Variants in CATSPER3 observed in about 807,000 individuals in gnomAD.
The protein encoded by CATSPER3 is cation channel sperm-associated protein 3.
A neutral mutation model predicts 36.6 loss-of-function variants in CATSPER3; 23 were observed. That is an observed-to-expected ratio of 0.63 (90% CI 0.45 to 0.89). CATSPER3 has a LOEUF of 0.89. CATSPER3 is among the 40% of genes least tolerant of loss of function. CATSPER3 has a pLI of 0.00. For synonymous variants in CATSPER3, 172 were observed against 184.1 expected (o/e 0.93, Z 0.53); for missense variants, 474 against 503.9 (o/e 0.94, Z 0.57).
intron 2 of CATSPER3, among the ~76,000 whole-genome samples, chr5:134,990,618 G>A (rs527398567): frequency 1.2e-4 from 19 of 152,238 alleles, no homozygotes; most frequent in African/African-American, 4.1e-4. Context: ...TAATAATAAT[G>A]AAAAAGTTGG....
intron 3 of CATSPER3, among the ~76,000 whole-genome samples, chr5:135,006,013 G>A (rs995711579): frequency 1.3e-5 from 2 of 152,162 alleles, no homozygotes; most frequent in Non-Finnish European, 2.9e-5. Flanking sequence ...ACTGGGTACA[G>A]GGAATTGCCC....
At chr5:134,976,639 CTGTG>C (rs1414919994) in intron 2 of CATSPER3, among the ~76,000 whole-genome samples, 2 of 152,236 alleles carry the variant, frequency 1.3e-5, no homozygotes, top group Admixed American at 1.3e-4. Flanking sequence ...CTAGTGGAGA[CTGTG>C]TGGGGGCTCT....
intron 3 of CATSPER3, among the ~76,000 whole-genome samples, chr5:135,007,000 G>T (rs1390337861): frequency 6.6e-6 from 1 of 152,128 alleles, no homozygotes; most frequent in Admixed American, 6.5e-5. Context: ...GCAGCCCAGG[G>T]CTCTTGGACT....
rs1011124053 is a variant in CATSPER3 at position 135,010,542 on chromosome 5, C to A, written c.1094+12C>A. The A allele has an allele frequency of 6.2e-7, 1 of 1,612,948 alleles. No individual in the cohort carries two copies. Among genetic ancestry groups the A allele is most frequent in the Non-Finnish European group, 8.5e-7 (1 of 1,178,932 alleles). On this transcript the variant is annotated intron_variant, in intron 7 of 7. Coordinates refer to ENST00000282611, the MANE Select transcript of CATSPER3 (RefSeq NM_178019.3). ...ACAACTGTCCACAAGTCAGTTCCAG[C>A]CCCAGCCTTCCCTGGTCCCTAGGGC...
rs551207039 is a variant in CATSPER3, at chr5:135,000,689, T to C, written c.492+4177T>C. ...CAGGAATTTATCCATTTCTTCTAGATTTTCTAGTTTATTTGTGTAGAGGTG... is the reference window on the plus strand; with the variant it reads ...CAGGAATTTATCCATTTCTTCTAGACTTTCTAGTTTATTTGTGTAGAGGTG... On this transcript the variant is annotated intron_variant, in intron 3 of 7. Transcript: ENST00000282611. Among the ~76,000 whole-genome samples, 3 of 152,314 alleles carry C rather than the reference T, an allele frequency of 2.0e-5. No homozygotes were observed. In the East Asian group the frequency reaches 5.8e-4, roughly 29 times the overall value.
intron 2 of CATSPER3, among the ~76,000 whole-genome samples, chr5:134,992,696 A>T (rs1174399642): frequency 6.6e-6 from 1 of 152,200 alleles, no homozygotes; most frequent in Non-Finnish European, 1.5e-5. Flanking sequence ...ACTGCACTCC[A>T]GCCTGGGCAA....
At chr5:134,988,470 C>A (rs1751837066) in intron 2 of CATSPER3, among the ~76,000 whole-genome samples, 1 of 152,228 alleles carries the variant, frequency 6.6e-6, no homozygotes, top group Non-Finnish European at 1.5e-5. Context: ...CAAACCCTGC[C>A]ACTGCTTTTA....
intron 3 of CATSPER3, among the ~76,000 whole-genome samples, chr5:134,999,606 C>T (rs2149551478): frequency 6.6e-6 from 1 of 152,270 alleles, no homozygotes; most frequent in South Asian, 2.1e-4. Context: ...TTGTAGTTCT[C>T]CTTGAAGAAG....
intron 2 of CATSPER3, among the ~76,000 whole-genome samples, chr5:134,971,750 A>G (rs1177497966): frequency 6.6e-6 from 1 of 152,178 alleles, no homozygotes; most frequent in Non-Finnish European, 1.5e-5. Context: ...TAAAGACAGG[A>G]TCCCACAGTT....
intron 2 of CATSPER3, among the ~76,000 whole-genome samples, chr5:134,988,531 T>G (rs936832663): frequency 8.5e-5 from 13 of 152,246 alleles, no homozygotes; most frequent in Non-Finnish European, 1.5e-4. Context: ...TTTCAACAAC[T>G]TTCATAGCAT....
chr5:135,008,944 T>C lies in CATSPER3; in HGVS notation c.779T>C (p.Leu260Pro). The C allele has an allele frequency of 6.2e-7, 1 of 1,614,022 alleles. No homozygotes were observed. Among genetic ancestry groups the C allele is most frequent in the Non-Finnish European group, 8.5e-7 (1 of 1,179,980 alleles). ...IFILLASFIF[L>P]NMFVGVMIMH... The stretch of plus-strand genomic sequence containing the variant: ...ATCTTGCTCGCCTCTTTCATCTTCC[T>C]CAACATGTTCGTGGGTGTGATGATC... Residue 260 changes from leucine to proline, a missense_variant, in exon 5 of 8, where the codon CTC becomes CCC. Leu to Pro is a moderately conservative substitution (Grantham distance 98, BLOSUM62 -3). Coordinates refer to ENST00000282611, the MANE Select transcript of CATSPER3 (RefSeq NM_178019.3).
Position 134,986,523 on chromosome 5 carries a change from A to G in CATSPER3, c.253-9750A>G, listed in dbSNP as rs568501589. ...GTCTCCCAGGCTGGAGTGCAATGGC[A>G]CAACCTCAGCTCACTGCAACCTCTG... On this transcript the variant is annotated intron_variant, in intron 2 of 7. Transcript: ENST00000282611. Among the ~76,000 whole-genome samples the G allele has an allele frequency of 5.7e-5, 8 of 141,524 alleles. No homozygotes were observed. The South Asian group carries it at 1.8e-3, about 31-fold the overall frequency. 92.8% of individuals were successfully genotyped at this position (141,524 alleles called of 152,430 possible). A position where few individuals can be genotyped will look rare whatever the true frequency, so the allele number is the denominator to read the frequency against.
chr5:134,997,411 C>A (rs1229755414), intron 3 of CATSPER3, among the ~76,000 whole-genome samples: 1 of 152,196 alleles, frequency 6.6e-6, no homozygotes, highest in African/African-American at 2.4e-5. Flanking sequence ...ACAACGCAGT[C>A]CAGCCCTCCC....
chr5:135,003,680 T>C (rs931787053), intron 3 of CATSPER3, among the ~76,000 whole-genome samples: 10 of 152,250 alleles, frequency 6.6e-5, no homozygotes, highest in African/African-American at 1.9e-4. Flanking sequence ...GCCTCGCTGC[T>C]GCCTTGCAGT....
rs770824712 is a variant in CATSPER3 at position 134,967,980 on chromosome 5, A to G, written c.-12A>G. Reference sequence around the variant, plus strand: ...TGCTAAAAGCAAGGAATAAAAGTTGAAAATTTGGAAAATGTCTCAACACCG... The same window carrying G: ...TGCTAAAAGCAAGGAATAAAAGTTGGAAATTTGGAAAATGTCTCAACACCG... On this transcript the variant is annotated 5_prime_UTR_variant, in exon 1 of 8. The change abolishes the stop of an existing upstream ORF in the 5' untranslated region. Transcript: ENST00000282611. The G allele has an allele frequency of 1.4e-5, 22 of 1,610,100 alleles. No individual in the cohort carries two copies. The highest frequency in any genetic ancestry group is 1.7e-5 in the Non-Finnish European group (20 of 1,176,366).
At chr5:134,997,234 G>C (rs1159191731) in intron 3 of CATSPER3, among the ~76,000 whole-genome samples, 2 of 152,254 alleles carry the variant, frequency 1.3e-5, no homozygotes, top group East Asian at 3.9e-4. Context: ...CCCCTCGCCT[G>C]GGCTTGGGTG....
At chr5:134,980,423 TTC>T (rs1751736730) in intron 2 of CATSPER3, among the ~76,000 whole-genome samples, 1 of 149,088 alleles carries the variant, frequency 6.7e-6, no homozygotes, top group Admixed American at 6.7e-5. Context: ...CTTTCTTTTT[TTC>T]TTTCTTTCTT....
At chr5:134,993,088 T>A (rs1751897838) in intron 2 of CATSPER3, among the ~76,000 whole-genome samples, 1 of 152,196 alleles carries the variant, frequency 6.6e-6, no homozygotes, top group African/African-American at 2.4e-5. Flanking sequence ...AGGAATAGAA[T>A]TCTATTTTTA....
intron 2 of CATSPER3, among the ~76,000 whole-genome samples, chr5:134,972,890 C>CT (rs1346977989): frequency 3.9e-5 from 6 of 152,256 alleles, no homozygotes; most frequent in East Asian, 1.9e-4. Context: ...GTGAAGGAAA[C>CT]TAAGTATCAA....
Sources: allele counts gnomAD v4.1 joint callset (sites outside exome capture counted in the v4.1 genomes callset), GRCh38; gene constraint gnomAD v4.1.1; transcripts MANE v1.5; gene names NCBI Gene and HGNC (gene_info 2026-07-23, HGNC 2026-07-21).